SNRPG: variants seen among roughly 807,000 people sequenced by gnomAD.
SNRPG encodes small nuclear ribonucleoprotein polypeptide G.
In SNRPG, 3 loss-of-function variants were observed where a neutral mutation model predicts 13.9. That is an observed-to-expected ratio of 0.22 (90% CI 0.10 to 0.56). SNRPG has a LOEUF of 0.56. Ranked by LOEUF, SNRPG falls within the 20% of genes least tolerant of loss-of-function variation. The probability of loss-of-function intolerance (pLI) is 0.93; values close to 1 mark genes in which losing one functional copy is unlikely to be tolerated. For synonymous variants in SNRPG, 29 were observed against 29.3 expected (o/e 0.99, Z 0.03); for missense variants, 34 against 96.1 (o/e 0.35, Z 2.70).
At position 70,293,700 on chromosome 2, in the gene SNRPG, T is replaced by C. The variant is rs1218617499; in HGVS notation, c.-51A>G. 3 of 1,571,994 alleles carry C rather than the reference T, an allele frequency of 1.9e-6. No individual in the cohort carries two copies. Among genetic ancestry groups the C allele is most frequent in the Non-Finnish European group, 2.6e-6 (3 of 1,141,664 alleles). On this transcript the variant is annotated 5_prime_UTR_variant, in exon 1 of 4. Transcript: ENST00000272348. ...TGCCTTGGAACGCAACGCACGGCTT[T>C]CCTCACGCTCCCGCTGTAGGCCCGG...
chr2:70,281,493 C>A lies in SNRPG; in HGVS notation c.*141G>T. 1 of 468,418 alleles carries A rather than the reference C, an allele frequency of 2.1e-6. No homozygotes were observed. The highest frequency in any genetic ancestry group is 4.1e-5 in the Admixed American group (1 of 24,466). The allele number at this position is 468,418 out of a possible 1,614,324, so 29.0% of individuals were successfully genotyped here. On this transcript the variant is annotated 3_prime_UTR_variant, in exon 4 of 4. Coordinates refer to ENST00000272348, the MANE Select transcript of SNRPG (RefSeq NM_003096.4). Reference sequence around the variant, plus strand: ...AGCTGATATTCTATATTCAGAACATCTGAGAAAGCATTTTTGACTATTACA... The same window carrying A: ...AGCTGATATTCTATATTCAGAACATATGAGAAAGCATTTTTGACTATTACA...
intron 3 of SNRPG, among the ~76,000 whole-genome samples, chr2:70,287,035 T>G (rs140862466): frequency 1.2e-4 from 19 of 152,288 alleles, no homozygotes; most frequent in African/African-American, 4.6e-4. Context: ...GGGGGTACAG[T>G]GTGGTATCTG....
intron 3 of SNRPG, among the ~76,000 whole-genome samples, chr2:70,283,092 T>G (rs1224860805): frequency 9.3e-5 from 2 of 21,422 alleles, no homozygotes; most frequent in East Asian, 6.4e-4. Flanking sequence ...AAACTGTCTT[T>G]TGTCAAAAAA....
chr2:70,291,528 T>C (rs1206854851), intron 1 of SNRPG, among the ~76,000 whole-genome samples: 1 of 152,204 alleles, frequency 6.6e-6, no homozygotes, highest in Non-Finnish European at 1.5e-5. Context: ...AGCAGCACCC[T>C]GGTGTCTACT....
At chr2:70,289,925 T>C (rs543435237) in intron 1 of SNRPG, among the ~76,000 whole-genome samples, 18 of 152,194 alleles carry the variant, frequency 1.2e-4, no homozygotes, top group African/African-American at 4.3e-4. Context: ...TATATTAATT[T>C]ACATTAAGTA....
rs1348496503 is a variant in SNRPG, at chr2:70,281,527, T to C, written c.*107A>G. 1.7e-6 allele frequency: 1 copy of C among 583,862 alleles called. No individual in the cohort carries two copies. The highest frequency in any genetic ancestry group is 1.9e-5 in the African/African-American group (1 of 52,156). 36.2% of individuals were successfully genotyped at this position (583,862 alleles called of 1,614,324 possible). ...CATTTTTGACTATTACAAAAGTTTA[T>C]TTAACAAAAAGTCTAATATGAAAAT... is the stretch of plus-strand genomic sequence containing the variant. On this transcript the variant is annotated 3_prime_UTR_variant, in exon 4 of 4. Transcript: ENST00000272348.
At chr2:70,283,113 A>AAAAAAAAAAAAAAAAC (rs1696848080) in intron 3 of SNRPG, among the ~76,000 whole-genome samples, 1 of 147,730 alleles carries the variant, frequency 6.8e-6, no homozygotes, top group African/African-American at 2.5e-5. Flanking sequence ...AAAAAAAAAA[A>AAAAAAAAAAAAAAAAC]AAAAAAAAAA....
chr2:70,290,958 C>G (rs573557868), intron 1 of SNRPG, among the ~76,000 whole-genome samples: 1 of 145,010 alleles, frequency 6.9e-6, no homozygotes, highest in East Asian at 2.1e-4. Context: ...TTGCGGTGAG[C>G]CAAGATCGCG....
chr2:70,288,514 C>G (rs1309836618), intron 2 of SNRPG, among the ~76,000 whole-genome samples: 4 of 152,160 alleles, frequency 2.6e-5, no homozygotes, highest in Admixed American at 2.0e-4. Context: ...CCGCTTTGGC[C>G]TCCCAAAGTG....
intron 3 of SNRPG, among the ~76,000 whole-genome samples, chr2:70,285,034 T>G (rs1696904887): frequency 6.6e-6 from 1 of 152,210 alleles, no homozygotes; most frequent in South Asian, 2.1e-4. Context: ...GTTTTATGAT[T>G]GACTGTTGTG....
At chr2:70,293,016 G>A (rs753324642) in intron 1 of SNRPG, 42 of 619,538 alleles carry the variant, frequency 6.8e-5, no homozygotes, top group Non-Finnish European at 3.5e-5. Flanking sequence ...AAAAATTAAT[G>A]TTCTTAAAAA....
intron 1 of SNRPG, chr2:70,293,071 G>C (rs938905819): frequency 1.4e-6 from 1 of 700,820 alleles, no homozygotes; most frequent in Non-Finnish European, 2.6e-6. Context: ...ATCAGAGCAA[G>C]ATAACACATG....
Position 70,281,607 on chromosome 2 carries a change from T to C in SNRPG, c.*27A>G, listed in dbSNP as rs1283431167. 3.5e-6 allele frequency: 5 copies of C among 1,425,820 alleles called. No individual in the cohort carries two copies. In the African/African-American group the frequency reaches 5.7e-5, roughly 16 times the overall value. 88.3% of individuals were successfully genotyped at this position (1,425,820 alleles called of 1,614,324 possible). ...AAACAGGCCCTATGGAGAGAGGACA[T>C]GGGTTTCTCTGCTGAACAGCCATTA... On this transcript the variant is annotated 3_prime_UTR_variant, in exon 4 of 4. Transcript: ENST00000272348.
chr2:70,284,230 A>C (rs765167128), intron 3 of SNRPG, among the ~76,000 whole-genome samples: 1 of 152,170 alleles, frequency 6.6e-6, no homozygotes, highest in Non-Finnish European at 1.5e-5. Flanking sequence ...TCACATGCAC[A>C]ATCACTGCAC....
At chr2:70,285,062 GTGTT>G in intron 3 of SNRPG, among the ~76,000 whole-genome samples, 1 of 152,134 alleles carries the variant, frequency 6.6e-6, no homozygotes, top group South Asian at 2.1e-4. Flanking sequence ...AGGGTTACTT[GTGTT>G]CAAGTAACCC....
chr2:70,290,993 A>T (rs894378118), intron 1 of SNRPG, among the ~76,000 whole-genome samples: 16 of 146,722 alleles, frequency 1.1e-4, no homozygotes, highest in Non-Finnish European at 1.9e-4. Flanking sequence ...CCTGGGCAAT[A>T]AGAGTGAAAC....
chr2:70,287,063 T>C (rs1049482890), intron 3 of SNRPG, among the ~76,000 whole-genome samples: 4 of 152,188 alleles, frequency 2.6e-5, no homozygotes, highest in African/African-American at 4.8e-5. Flanking sequence ...TAAACTGTTT[T>C]TTCAGTCATA....
Position 70,293,710 on chromosome 2 carries a change from C to T in SNRPG, c.-61G>A. 6.6e-7 allele frequency: 1 copy of T among 1,517,170 alleles called. No homozygotes were observed. Among genetic ancestry groups the T allele is most frequent in the South Asian group, 1.1e-5 (1 of 89,102 alleles). The allele number at this position is 1,517,170 out of a possible 1,614,324, so 94.0% of individuals were successfully genotyped here. Reference sequence around the variant, plus strand: ...CGCAACGCACGGCTTTCCTCACGCTCCCGCTGTAGGCCCGGCGTCTTGCGT... The same window carrying T: ...CGCAACGCACGGCTTTCCTCACGCTTCCGCTGTAGGCCCGGCGTCTTGCGT... On this transcript the variant is annotated 5_prime_UTR_variant, in exon 1 of 4. Coordinates refer to ENST00000272348, the MANE Select transcript of SNRPG (RefSeq NM_003096.4).
At chr2:70,291,981 TC>T (rs1291791328) in intron 1 of SNRPG, among the ~76,000 whole-genome samples, 2 of 147,212 alleles carry the variant, frequency 1.4e-5, no homozygotes, top group Non-Finnish European at 3.0e-5. Context: ...GGAGTCTCGC[TC>T]TGTTGCCCAG....
Sources: gnomAD v4.1 joint callset for allele counts (sites outside exome capture counted in the v4.1 genomes callset) on GRCh38, gnomAD v4.1.1 for gene constraint, MANE v1.5 for transcripts, NCBI Gene and HGNC (gene_info 2026-07-23, HGNC 2026-07-21) for gene names.